C1orf198: variants seen among roughly 807,000 people sequenced by gnomAD.
C1orf198 encodes the protein chromosome 1 open reading frame 198, also known as uncharacterized protein C1orf198.
Under a neutral mutation model 31.4 loss-of-function variants are expected in C1orf198, and 17 were observed. That is an observed-to-expected ratio of 0.54 (90% CI 0.37 to 0.81). The LOEUF (loss-of-function observed/expected upper bound fraction) is 0.81, where lower values mean the gene tolerates loss of function less well. Among genes scored for constraint, C1orf198 ranks in the 40% least tolerant of loss-of-function variants. The pLI is 0.00. For missense variants in C1orf198, 401 were observed against 450.3 expected, an observed-to-expected ratio of 0.89 and a Z score of 0.99; for synonymous variants, 175 against 193.8, an observed-to-expected ratio of 0.90 and a Z score of 0.81.
rs1669410154 is a variant in C1orf198, at chr1:230,840,426, G to C, written c.928-518C>G. Among the ~76,000 whole-genome samples the C allele has an allele frequency of 6.6e-6, 1 of 152,186 alleles. No homozygotes were observed. The highest frequency in any genetic ancestry group is 6.5e-5 in the Admixed American group (1 of 15,280). On this transcript the variant is annotated intron_variant, in intron 3 of 3. Transcript: ENST00000366663. The surrounding 1 kb of genome is among the most constrained non-coding windows in gnomAD (Gnocchi z 4.0). Reference sequence around the variant, plus strand: ...GTGATTTTCCCAAACTCTAAGCTCAGCCTCCGGGGCTCAAGCGATCCTCTT... The same window carrying C: ...GTGATTTTCCCAAACTCTAAGCTCACCCTCCGGGGCTCAAGCGATCCTCTT...
rs547029275 is a variant in C1orf198, at chr1:230,844,643, A to G, written c.385-747T>C. 1.1e-4 allele frequency among the ~76,000 whole-genome samples: 17 copies of G among 152,298 alleles called. No homozygotes were observed. In the East Asian group the frequency reaches 1.9e-3, roughly 17 times the overall value. ...AACAGGGCACCCTCCTGTCTCCTCC[A>G]GTGTGGTTCTAGCACCTTCCTGGCA... is the stretch of plus-strand genomic sequence containing the variant. On this transcript the variant is annotated intron_variant, in intron 2 of 3. Transcript: ENST00000366663.
chr1:230,869,047 CCTT>C (rs1235900374), upstream of C1orf198: 3 of 152,366 alleles, frequency 2.0e-5, no homozygotes, highest in South Asian at 2.1e-4. Context: ...ACGAGCCACA[CCTT>C]CTCTGCTTTC....
At position 230,843,159 on chromosome 1, in the gene C1orf198, C is replaced by T. The variant is rs117725478; in HGVS notation, c.927+195G>A. Among the ~76,000 whole-genome samples the T allele has an allele frequency of 9.4e-4, 143 of 152,300 alleles. 1 individual carries two copies. In the East Asian group the frequency reaches 0.022, roughly 23 times the overall value. ...ACAAATTAGGGCACCCAGATGGACT[C>T]GCAAAACTTGTCTTGTTGCATATTT... On this transcript the variant is annotated intron_variant, in intron 3 of 3. Coordinates refer to ENST00000366663, the MANE Select transcript of C1orf198 (RefSeq NM_032800.3). This position sits in a 1 kb window ranked among gnomAD's most constrained non-coding sequence, Gnocchi z 4.9.
intron 2 of C1orf198, among the ~76,000 whole-genome samples, chr1:230,853,378 A>G (rs1429067150): frequency 2.6e-5 from 4 of 152,030 alleles, no homozygotes; most frequent in African/African-American, 4.8e-5. Flanking sequence ...TGGCTCTCCA[A>G]TGAAGATCTT....
At chr1:230,847,576 C>CA (rs1669628196) in intron 2 of C1orf198, among the ~76,000 whole-genome samples, 1 of 152,296 alleles carries the variant, frequency 6.6e-6, no homozygotes, top group African/African-American at 2.4e-5. Context: ...CCAGGTATGA[C>CA]ATCCATGGAA....
chr1:230,839,741 G>A lies in C1orf198; in HGVS notation c.*111C>T, dbSNP rs1415845360. On this transcript the variant is annotated 3_prime_UTR_variant, in exon 4 of 4. Transcript: ENST00000366663. ...CAGTTTCCAAATGATTAAGAAAAGA[G>A]TGTCAAGAAACCAGTAAAATACATA... 2 of 924,916 alleles carry A rather than the reference G, an allele frequency of 2.2e-6. No homozygotes were observed. The highest frequency in any genetic ancestry group is 3.2e-6 in the Non-Finnish European group (2 of 619,242). The allele number at this position is 924,916 out of a possible 1,614,324, so 57.3% of individuals were successfully genotyped here.
chr1:230,846,966 G>A (rs1215390561), intron 2 of C1orf198, among the ~76,000 whole-genome samples: 4 of 151,442 alleles, frequency 2.6e-5, no homozygotes, highest in South Asian at 4.2e-4. Context: ...AGCCGGGCGC[G>A]GTGGCGGGCG....
rs757027201 is a variant in C1orf198, at chr1:230,843,756, G to A, written c.525C>T (p.Ser175=). The A allele has an allele frequency of 6.2e-6, 10 of 1,613,844 alleles. No individual in the cohort carries two copies. Among genetic ancestry groups the A allele is most frequent in the Non-Finnish European group, 8.5e-6 (10 of 1,179,796 alleles). The change falls in exon 3 of 4, where the codon AGC becomes AGT. Residue 175 remains serine (S), a synonymous_variant. Transcript: ENST00000366663. This position sits in a 1 kb window ranked among gnomAD's most constrained non-coding sequence, Gnocchi z 4.9. ...LKSSQGSRSS[S]LDALGPTRKE... is the part of the protein sequence containing the mutation. ...TCCTGGTGGGGCCCAGGGCGTCCAG[G>A]CTGGAGGACCTGCTGCCTTGGGAGG...
chr1:230,868,340 C>G lies in C1orf198; in HGVS notation c.173G>C (p.Trp58Ser). The G allele has an allele frequency of 1.9e-6, 3 of 1,595,812 alleles. No individual in the cohort carries two copies. The highest frequency in any genetic ancestry group is 2.6e-6 in the Non-Finnish European group (3 of 1,172,102). ...CTGCTGCGCGGGCGGCAGCCGCGCC[C>G]ACTCGGGCCCGTACTTCTCGCGGAT... Reference protein sequence around the residue: ...EKIREKYGPEWARLPPAQQDE... With the variant: ...EKIREKYGPESARLPPAQQDE... Residue 58 changes from tryptophan to serine, a missense_variant, in exon 1 of 4, where the codon TGG (tryptophan) becomes TCG (serine). By Grantham distance (177) the Trp-to-Ser change is radical. Coordinates refer to ENST00000366663, the MANE Select transcript of C1orf198 (RefSeq NM_032800.3).
chr1:230,853,818 T>C (rs1669803075), intron 2 of C1orf198, among the ~76,000 whole-genome samples: 1 of 152,216 alleles, frequency 6.6e-6, no homozygotes, highest in South Asian at 2.1e-4. Flanking sequence ...AGGGACCAGA[T>C]ATGCTGGCAT....
In C1orf198 at chr1:230,843,115, A is replaced by C. The variant is rs564799478; in HGVS notation, c.927+239T>G. ...CGCACTGGGGAAAGCGCAGTGGGCC[A>C]CGGAACCCTGACTGGTAAACAAATT... On this transcript the variant is annotated intron_variant, in intron 3 of 3. Coordinates refer to ENST00000366663, the MANE Select transcript of C1orf198 (RefSeq NM_032800.3). This position sits in a 1 kb window ranked among gnomAD's most constrained non-coding sequence, Gnocchi z 4.9. 2.0e-5 allele frequency among the ~76,000 whole-genome samples: 3 copies of C among 152,368 alleles called. No homozygotes were observed. The South Asian group carries it at 6.2e-4, about 32-fold the overall frequency.
chr1:230,846,842 G>A (rs1669599808), intron 2 of C1orf198, among the ~76,000 whole-genome samples: 1 of 152,150 alleles, frequency 6.6e-6, no homozygotes, highest in Non-Finnish European at 1.5e-5. Flanking sequence ...GGTGGCTCAC[G>A]CCTGTAATCC....
intron 1 of C1orf198, among the ~76,000 whole-genome samples, chr1:230,856,925 C>T (rs988386001): frequency 8.5e-5 from 13 of 152,186 alleles, no homozygotes; most frequent in Admixed American, 2.6e-4. Flanking sequence ...CAGGGCAAAC[C>T]AGTTCTGCCC....
Position 230,838,527 on chromosome 1 carries a change from AAAAG to A in C1orf198, c.*1321_*1324del, listed in dbSNP as rs906629928. On this transcript the variant is annotated 3_prime_UTR_variant, in exon 4 of 4. Transcript: ENST00000366663. The surrounding 1 kb of genome is among the most constrained non-coding windows in gnomAD (Gnocchi z 4.2). ...GAAACAGGCATTTAAAAAAAAAAAA[AAAAG>A]AAGAAGACACACTTTGGTATTGAAA... 9 of 152,604 alleles carry A rather than the reference AAAAG, an allele frequency of 5.9e-5. No homozygotes were observed. The highest frequency in any genetic ancestry group is 1.9e-4 in the African/African-American group (8 of 41,436). The allele number at this position is 152,604 out of a possible 1,614,324, so 9.5% of individuals were successfully genotyped here.
At chr1:230,867,155 G>A (rs1670139051) in intron 1 of C1orf198, among the ~76,000 whole-genome samples, 2 of 152,104 alleles carry the variant, frequency 1.3e-5, no homozygotes, top group African/African-American at 4.8e-5. Flanking sequence ...CCTTAACAGC[G>A]AGCGATTTCA....
At chr1:230,846,914 T>C (rs200678339) in intron 2 of C1orf198, among the ~76,000 whole-genome samples, 1 of 147,592 alleles carries the variant, frequency 6.8e-6, no homozygotes, top group Non-Finnish European at 1.5e-5. Context: ...CCATCCCGGC[T>C]AAAACGGTGA....
chr1:230,868,703 C>A (rs1225150230), upstream of C1orf198: 15 of 241,180 alleles, frequency 6.2e-5, no homozygotes, highest in South Asian at 1.7e-4. Flanking sequence ...TCCCCGGGAG[C>A]TCCTCCCTCC....
At chr1:230,855,326 G>T (rs1210507032) in intron 2 of C1orf198, among the ~76,000 whole-genome samples, 1 of 152,250 alleles carries the variant, frequency 6.6e-6, no homozygotes, top group African/African-American at 2.4e-5. Context: ...GGTGCTAAGT[G>T]CTGGGAACCA....
intron 1 of C1orf198, among the ~76,000 whole-genome samples, chr1:230,856,934 C>T (rs935210064): frequency 2.0e-5 from 3 of 152,304 alleles, no homozygotes; most frequent in South Asian, 2.1e-4. Flanking sequence ...CCAGTTCTGC[C>T]CACAGACCCT....
Sources: gnomAD v4.1 joint callset for allele counts (sites outside exome capture counted in the v4.1 genomes callset) on GRCh38, gnomAD v4.1.1 for gene constraint, Gnocchi (gnomAD v3.1) non-coding constraint, MANE v1.5 for transcripts, NCBI Gene and HGNC (gene_info 2026-07-23, HGNC 2026-07-21) for gene names.